Variants in CAPN7 observed in about 807,000 individuals in gnomAD.
CAPN7 encodes calpain-7.
A neutral mutation model predicts 115.2 loss-of-function variants in CAPN7; 72 were observed. The observed-to-expected ratio is 0.63, with a 90% confidence interval of 0.52 to 0.76. The LOEUF (loss-of-function observed/expected upper bound fraction) is 0.76, where lower values mean the gene tolerates loss of function less well. Ranked by LOEUF, CAPN7 falls within the 30% of genes least tolerant of loss-of-function variation. The pLI, the probability that CAPN7 is intolerant of heterozygous loss-of-function variation, is 0.00. For synonymous variants in CAPN7, 344 were observed against 322.3 expected (o/e 1.07, Z -0.72); for missense variants, 905 against 971.5 (o/e 0.93, Z 0.91).
intron 9 of CAPN7, chr3:15,232,048 G>A (rs898041697): frequency 3.5e-5 from 10 of 287,364 alleles, no homozygotes; most frequent in Non-Finnish European, 3.4e-5. Context: ...TCCCTTATCC[G>A]AAATACTTGG....
rs571364834 is a variant in CAPN7, at chr3:15,217,314, T to A, written c.212-111T>A. On this transcript the variant is annotated intron_variant, in intron 2 of 20. Transcript: ENST00000253693. ...ATTTTTTTAACCTTGCTAAGTTTTT[T>A]AAATGAAGAATACAGGGTTTTGGTA... The A allele has an allele frequency of 1.0e-5, 10 of 958,360 alleles. No individual in the cohort carries two copies. The African/African-American group carries it at 1.8e-4, about 17-fold the overall frequency. 59.4% of individuals were successfully genotyped at this position (958,360 alleles called of 1,614,324 possible). A position where few individuals can be genotyped will look rare whatever the true frequency, so the allele number is the denominator to read the frequency against.
chr3:15,240,487 C>A lies in CAPN7; in HGVS notation c.1422C>A (p.Ile474=). The part of the protein sequence containing the change: ...DIREFKGLRF[I]QLKNPWSHLR... ...TTTTTATATAGGGGCTGCGATTTAT[C>A]CAGTTGAAAAATCCTTGGAGTCATT... The change falls in exon 13 of 21, where the codon ATC becomes ATA. Residue 474 remains isoleucine, a synonymous_variant. Coordinates refer to ENST00000253693, the MANE Select transcript of CAPN7 (RefSeq NM_014296.3). The A allele has an allele frequency of 3.1e-6, 5 of 1,609,948 alleles. No homozygotes were observed. Among genetic ancestry groups the A allele is most frequent in the Non-Finnish European group, 4.2e-6 (5 of 1,179,128 alleles).
At chr3:15,229,197 G>GA in intron 8 of CAPN7, 138 bp downstream of exon 8, 1 of 624,344 alleles carries the variant, frequency 1.6e-6, no homozygotes, top group Non-Finnish European at 2.8e-6. Flanking sequence ...TTAAGCAGAT[G>GA]ATTTATGAAT....
At chr3:15,250,805 T>G in intron 19 of CAPN7, 126 bp from the exon 20 acceptor site, 1 of 641,178 alleles carries the variant, frequency 1.6e-6, no homozygotes, top group Non-Finnish European at 2.7e-6. Flanking sequence ...AAATAGAGTG[T>G]GTATGTTTCT....
intron 6 of CAPN7, among the ~76,000 whole-genome samples, chr3:15,224,753 A>G (rs1356804248): frequency 6.6e-6 from 1 of 152,178 alleles, no homozygotes; most frequent in African/African-American, 2.4e-5. Flanking sequence ...ATTAGAAAAA[A>G]AAAGCTGGAT....
intron 7 of CAPN7, 71 bp from the exon 8 acceptor site, chr3:15,228,903 A>G (rs1694497232): frequency 1.8e-6 from 2 of 1,110,312 alleles, no homozygotes; most frequent in Admixed American, 1.9e-5. Context: ...ACTTGGGGCA[A>G]TGTACGTATA....
intron 11 of CAPN7, among the ~76,000 whole-genome samples, 178 bp downstream of exon 11, chr3:15,234,151 T>G (rs759874498): frequency 2.4e-4 from 37 of 152,104 alleles, no homozygotes; most frequent in African/African-American, 1.4e-4. Flanking sequence ...ACCCCATCTC[T>G]ACTAAAAATA....
chr3:15,249,006 C>CAAAAAAAAAAAAAAAAAAAAAA (rs1460568964), intron 19 of CAPN7, among the ~76,000 whole-genome samples: 9 of 50,684 alleles, frequency 1.8e-4, no homozygotes, highest in South Asian at 8.7e-4. Flanking sequence ...ATACAACAAC[C>CAAAAAAAAAAAAAAAAAAAAAA]AAAAAAAAAA....
intron 9 of CAPN7, 34 bp downstream of exon 9, chr3:15,230,569 T>C (rs1317704303): frequency 1.6e-6 from 2 of 1,217,610 alleles, no homozygotes; most frequent in Non-Finnish European, 1.2e-6. Flanking sequence ...CCATCCCTTG[T>C]CTCTCTCCGT....
intron 4 of CAPN7, among the ~76,000 whole-genome samples, chr3:15,219,954 A>C (rs997771853): frequency 6.6e-6 from 1 of 152,096 alleles, no homozygotes; most frequent in African/African-American, 2.4e-5. Context: ...TAATCCCAAC[A>C]CTTTGGGAGA....
At chr3:15,216,987 C>A (rs998125821) in intron 2 of CAPN7, among the ~76,000 whole-genome samples, 1 of 151,030 alleles carries the variant, frequency 6.6e-6, no homozygotes, top group Admixed American at 6.6e-5. Context: ...CCTGTAATCC[C>A]ATCACTTTGG....
rs1456452307 is a variant in CAPN7, at chr3:15,211,275, A to G, written c.103-829A>G. On this transcript the variant is annotated intron_variant, in intron 1 of 20. Transcript: ENST00000253693. ...TTTTAATGCTTTGAAGGCTCAATTCATATTTTTTTGCGTGTGAATTACTTG... is the reference window on the plus strand; with the variant it reads ...TTTTAATGCTTTGAAGGCTCAATTCGTATTTTTTTGCGTGTGAATTACTTG... 3.3e-5 allele frequency among the ~76,000 whole-genome samples: 5 copies of G among 152,256 alleles called. 1 individual carries two copies. In the Middle Eastern group the frequency reaches 0.014, roughly 414 times the overall value.
intron 4 of CAPN7, 48 bp downstream of exon 4, chr3:15,218,588 A>T: frequency 8.0e-7 from 1 of 1,254,906 alleles, no homozygotes; most frequent in Non-Finnish European, 1.2e-6. Flanking sequence ...ACTTAGTGTT[A>T]TTTAAACAAA....
chr3:15,216,386 G>A (rs1336908625), intron 2 of CAPN7, among the ~76,000 whole-genome samples: 1 of 152,108 alleles, frequency 6.6e-6, no homozygotes, highest in East Asian at 1.9e-4. Context: ...GATGGCTAAC[G>A]TTCAGCAATT....
Position 15,241,576 on chromosome 3 carries a change from C to T in CAPN7, c.1776C>T (p.His592=), listed in dbSNP as rs1695351720. The change falls in exon 15 of 21, where the codon CAC becomes CAT. Residue 592 remains histidine, a synonymous_variant. Coordinates refer to ENST00000253693, the MANE Select transcript of CAPN7 (RefSeq NM_014296.3). ...CAGTTTGGGTTTTGCTTAGTAGACA[C>T]ATAACAGACAAGGTACTGATACCCT... ...GAAVWVLLSR[H]ITDKDDFANN... 2 of 1,613,854 alleles carry T rather than the reference C, an allele frequency of 1.2e-6. No individual in the cohort carries two copies. Among genetic ancestry groups the T allele is most frequent in the Non-Finnish European group, 1.7e-6 (2 of 1,179,890 alleles).
chr3:15,231,060 A>T lies in CAPN7; in HGVS notation c.1032+525A>T, dbSNP rs1694656585. Among the ~76,000 whole-genome samples, 2 of 152,218 alleles carry T rather than the reference A, an allele frequency of 1.3e-5. 1 individual carries two copies. The highest frequency in any genetic ancestry group is 4.1e-4 in the South Asian group (2 of 4,834). ...TGTCCATGTTGAGATCCATGCAGCA[A>T]CATCAGCATCACCTGGAAGTTTGTT... On this transcript the variant is annotated intron_variant, in intron 9 of 20. Transcript: ENST00000253693.
chr3:15,230,623 C>T, intron 9 of CAPN7, 88 bp downstream of exon 9: 2 of 783,982 alleles, frequency 2.6e-6, no homozygotes, highest in South Asian at 1.6e-5. Flanking sequence ...GAAATGTCAT[C>T]TGTTTGAACA....
chr3:15,247,573 G>A, intron 19 of CAPN7, 116 bp downstream of exon 19: 1 of 715,330 alleles, frequency 1.4e-6, no homozygotes, highest in Non-Finnish European at 2.2e-6. Context: ...TATAACAATG[G>A]CATTATAGTG....
chr3:15,237,928 C>T (rs373958084), intron 12 of CAPN7, among the ~76,000 whole-genome samples: 3 of 151,932 alleles, frequency 2.0e-5, no homozygotes, highest in Non-Finnish European at 4.4e-5. Flanking sequence ...GAGATCACAC[C>T]ACTGCACTCC....
Sources: gnomAD v4.1 joint callset for allele counts (sites outside exome capture counted in the v4.1 genomes callset) on GRCh38, gnomAD v4.1.1 for gene constraint, MANE v1.5 for transcripts, NCBI Gene and HGNC (gene_info 2026-07-23, HGNC 2026-07-21) for gene names.